NTM: variants seen among roughly 807,000 people sequenced by gnomAD.
NTM encodes neurotrimin, also known as IgLON family member 2.
NTM carries 13 observed loss-of-function variants against 42.1 expected under a neutral mutation model. That is an observed-to-expected ratio of 0.31 (90% CI 0.20 to 0.49). The LOEUF (loss-of-function observed/expected upper bound fraction) is 0.49. Among genes scored for constraint, NTM ranks in the 20% least tolerant of loss-of-function variants. NTM has a pLI of 0.99. For missense variants in NTM, 373 were observed against 452.8 expected (o/e 0.82, Z 1.60); for synonymous variants, 187 against 179.2 (o/e 1.04, Z -0.35).
chr11:132,135,373 C>G (rs1292093875), intron 2 of NTM, among the ~76,000 whole-genome samples: 2 of 152,240 alleles, frequency 1.3e-5, no homozygotes, highest in African/African-American at 4.8e-5. Flanking sequence ...TCCTTCTGAT[C>G]ACAAAGCATT....
chr11:131,597,007 C>CA (rs1377218649), intron 1 of NTM, among the ~76,000 whole-genome samples: 1 of 152,114 alleles, frequency 6.6e-6, no homozygotes, highest in Non-Finnish European at 1.5e-5. Context: ...GATCTCTTTT[C>CA]ACATTTTCCT....
intron 1 of NTM, among the ~76,000 whole-genome samples, chr11:131,874,729 T>G (rs1274082397): frequency 6.6e-6 from 1 of 152,218 alleles, no homozygotes; most frequent in Non-Finnish European, 1.5e-5. Context: ...AAGGAATAAT[T>G]AGGATCATTT....
chr11:132,136,171 G>A (rs1193167013), intron 2 of NTM, among the ~76,000 whole-genome samples: 2 of 152,130 alleles, frequency 1.3e-5, no homozygotes, highest in Non-Finnish European at 2.9e-5. Context: ...AGTGTGTATT[G>A]CATGTTGGTC....
chr11:132,049,699 G>A (rs2078574023), intron 2 of NTM, among the ~76,000 whole-genome samples: 1 of 152,168 alleles, frequency 6.6e-6, no homozygotes, highest in South Asian at 2.1e-4. Context: ...ACACCTCTGG[G>A]GAAGAGGACC....
At chr11:131,460,645 C>T (rs992695240) in intron 1 of NTM, among the ~76,000 whole-genome samples, 5 of 152,196 alleles carry the variant, frequency 3.3e-5, no homozygotes, top group South Asian at 2.1e-4. Context: ...CTCTGCCTCC[C>T]GGGTTCAAGC....
chr11:132,223,969 C>T (rs1485062326), intron 4 of NTM, among the ~76,000 whole-genome samples: 1 of 152,166 alleles, frequency 6.6e-6, no homozygotes, highest in Non-Finnish European at 1.5e-5. Flanking sequence ...ACAAGTTGGG[C>T]TGTGAGCCAA....
chr11:132,064,561 C>T (rs1266059219), intron 2 of NTM, among the ~76,000 whole-genome samples: 2 of 152,106 alleles, frequency 1.3e-5, no homozygotes, highest in Non-Finnish European at 2.9e-5. Flanking sequence ...GTGAGGCCTC[C>T]TACAATGTAG....
At chr11:131,968,080 A>G (rs1289189257) in intron 2 of NTM, among the ~76,000 whole-genome samples, 1 of 152,246 alleles carries the variant, frequency 6.6e-6, no homozygotes, top group Non-Finnish European at 1.5e-5. Context: ...GTGTTTTACC[A>G]ACAAGAATGG....
At chr11:131,490,926 G>C (rs1039999164) in intron 1 of NTM, among the ~76,000 whole-genome samples, 19 of 152,168 alleles carry the variant, frequency 1.2e-4, no homozygotes, top group South Asian at 4.1e-4. Context: ...CTTGCTAGCT[G>C]TTCTGCTGTA....
In NTM at chr11:132,134,753, A is replaced by ATCTCTATC. The variant is rs1242114738; in HGVS notation, c.168-11528_168-11527insCTCTATCT. Among the ~76,000 whole-genome samples, 49 of 97,894 alleles carry ATCTCTATC rather than the reference A, an allele frequency of 5.0e-4. 2 individuals carry two copies. Among genetic ancestry groups the ATCTCTATC allele is most frequent in the African/African-American group, 1.7e-3 (48 of 27,434 alleles). The allele number at this position is 97,894 out of a possible 152,430, so 64.2% of individuals were successfully genotyped here. A position where few individuals can be genotyped will look rare whatever the true frequency, so the allele number is the denominator to read the frequency against. The stretch of plus-strand genomic sequence containing the variant: ...TATATATATATATATATATATATAT[A>ATCTCTATC]TATATATCTCACATTTTCTTTATCT... On this transcript the variant is annotated intron_variant, in intron 2 of 8. Coordinates refer to ENST00000683400, the MANE Select transcript of NTM (RefSeq NM_001352005.2).
chr11:131,759,277 G>T (rs529970022), intron 1 of NTM, among the ~76,000 whole-genome samples: 1 of 152,270 alleles, frequency 6.6e-6, no homozygotes, highest in South Asian at 2.1e-4. Context: ...CAGGCTTTCA[G>T]GGAATGAGAA....
At chr11:132,113,566 G>C (rs1353714594) in intron 2 of NTM, among the ~76,000 whole-genome samples, 1 of 152,132 alleles carries the variant, frequency 6.6e-6, no homozygotes, top group African/African-American at 2.4e-5. Context: ...TCATCAACCT[G>C]GATCCCCATG....
At chr11:131,391,747 C>T (rs1448361) in intron 1 of NTM, among the ~76,000 whole-genome samples, 118,713 of 151,460 alleles carry the variant, frequency 0.78, 46,871 homozygotes, top group Non-Finnish European at 0.83. Flanking sequence ...CTGTGCGGCT[C>T]ATTTCTACAC....
At chr11:131,570,384 T>A (rs1021179237) in intron 1 of NTM, among the ~76,000 whole-genome samples, 1 of 152,236 alleles carries the variant, frequency 6.6e-6, no homozygotes, top group African/African-American at 2.4e-5. Flanking sequence ...CTAGAATTGA[T>A]TCACAAATCC....
intron 1 of NTM, among the ~76,000 whole-genome samples, chr11:131,861,806 A>G (rs2046663547): frequency 6.6e-6 from 1 of 152,228 alleles, no homozygotes; most frequent in Non-Finnish European, 1.5e-5. Context: ...CAGTGCTACC[A>G]GCTGGTGCAG....
chr11:131,699,909 GGTGTGTGTGTGTGTGTGTGTGTGTGTGT>G lies in NTM; in HGVS notation c.83-211628_83-211601del, dbSNP rs10577927. 9.9e-3 allele frequency among the ~76,000 whole-genome samples: 1,287 copies of G among 130,558 alleles called. 18 individuals carry two copies. Among genetic ancestry groups the G allele is most frequent in the African/African-American group, 0.033 (1,179 of 35,420 alleles). The allele number at this position is 130,558 out of a possible 152,430, so 85.7% of individuals were successfully genotyped here. A position where few individuals can be genotyped will look rare whatever the true frequency, so the allele number is the denominator to read the frequency against. ...AACCATATCACTAGCCAAAGCAGCA[GGTGTGTGTGTGTGTGTGTGTGTGTGTGT>G]GTGTGTGTGTGTGTGTGTGTGTGTG... On this transcript the variant is annotated intron_variant, in intron 1 of 8. Transcript: ENST00000683400.
chr11:131,761,426 G>A (rs4937653), intron 1 of NTM, among the ~76,000 whole-genome samples: 69,039 of 151,944 alleles, frequency 0.45, 15,835 homozygotes, highest in East Asian at 0.62. Context: ...GAATAATGGT[G>A]TTTGGAGATG....
At chr11:131,818,680 G>T (rs768280472) in intron 1 of NTM, among the ~76,000 whole-genome samples, 4 of 152,084 alleles carry the variant, frequency 2.6e-5, no homozygotes, top group African/African-American at 7.2e-5. Flanking sequence ...GCTATTGCAC[G>T]TCATTTGTGT....
chr11:131,613,670 G>A (rs191631756), intron 1 of NTM, among the ~76,000 whole-genome samples: 5 of 152,136 alleles, frequency 3.3e-5, no homozygotes, highest in Admixed American at 1.3e-4. Flanking sequence ...AGAACAGGGC[G>A]TGTGTGGTCA....
Sources: gnomAD v4.1 joint callset for allele counts (sites outside exome capture counted in the v4.1 genomes callset) on GRCh38, gnomAD v4.1.1 for gene constraint, MANE v1.5 for transcripts, NCBI Gene and HGNC (gene_info 2026-07-23, HGNC 2026-07-21) for gene names.